Variants in ABLIM1 observed in about 807,000 individuals in gnomAD.
ABLIM1 encodes the protein actin-binding LIM protein 1.
Under a neutral mutation model 107.0 loss-of-function variants are expected in ABLIM1, and 40 were observed. The ratio of observed to expected loss-of-function variants is 0.37; its 90% confidence interval spans 0.29 to 0.49. ABLIM1 has a LOEUF of 0.49. ABLIM1 is among the 20% of genes least tolerant of loss of function. ABLIM1 has a pLI of 0.97. For synonymous variants in ABLIM1, 357 were observed against 357.3 expected (o/e 1.00, Z 0.01); for missense variants, 857 against 1,008.5 (o/e 0.85, Z 2.04).
At chr10:114,546,108 C>T (rs1345890954) in intron 5 of ABLIM1, among the ~76,000 whole-genome samples, 2 of 151,956 alleles carry the variant, frequency 1.3e-5, no homozygotes, top group Non-Finnish European at 2.9e-5. Context: ...TCAGCTCAGT[C>T]AACCTCCTTG....
At chr10:114,750,786 A>C (rs1234019740) in intron 1 of ABLIM1, among the ~76,000 whole-genome samples, 1 of 152,218 alleles carries the variant, frequency 6.6e-6, no homozygotes, top group Non-Finnish European at 1.5e-5. Context: ...CTCACATCAA[A>C]ATATTCATAA....
chr10:114,706,013 C>G (rs188724641), intron 1 of ABLIM1, among the ~76,000 whole-genome samples: 88 of 152,264 alleles, frequency 5.8e-4, no homozygotes, highest in Non-Finnish European at 7.9e-4. Flanking sequence ...AGAACTGGAT[C>G]CTTTGAAAAA....
At chr10:114,494,792 T>C (rs1222029918) in intron 6 of ABLIM1, among the ~76,000 whole-genome samples, 1 of 152,156 alleles carries the variant, frequency 6.6e-6, no homozygotes, top group Non-Finnish European at 1.5e-5. Flanking sequence ...TGGATTCAAA[T>C]CCAGTTTCAG....
intron 10 of ABLIM1, among the ~76,000 whole-genome samples, chr10:114,471,925 T>C (rs2066650799): frequency 6.7e-6 from 1 of 149,700 alleles, no homozygotes; most frequent in Non-Finnish European, 1.5e-5. Flanking sequence ...AAAATGAGAG[T>C]GAGCCGATTG....
chr10:114,651,427 T>C (rs889828046), intron 1 of ABLIM1, among the ~76,000 whole-genome samples: 2 of 152,126 alleles, frequency 1.3e-5, no homozygotes, highest in African/African-American at 4.8e-5. Context: ...AAGCTTAACC[T>C]GCAGCCTGCT....
intron 1 of ABLIM1, among the ~76,000 whole-genome samples, chr10:114,673,954 T>C (rs1714608459): frequency 6.6e-6 from 1 of 151,948 alleles, no homozygotes; most frequent in Non-Finnish European, 1.5e-5. Context: ...GAAAAAAAAG[T>C]GGGGAGAACC....
At chr10:114,530,582 G>A (rs1311043062) in intron 6 of ABLIM1, among the ~76,000 whole-genome samples, 2 of 152,152 alleles carry the variant, frequency 1.3e-5, no homozygotes, top group Non-Finnish European at 2.9e-5. Context: ...CATCTAGGCT[G>A]GAGTGCAGTA....
intron 4 of ABLIM1, among the ~76,000 whole-genome samples, chr10:114,568,873 T>C (rs751180780): frequency 6.6e-6 from 1 of 152,200 alleles, no homozygotes. Context: ...TTCATTTACA[T>C]GTGCATAACA....
intron 6 of ABLIM1, chr10:114,526,932 A>G (rs2064871154): frequency 1.0e-6 from 1 of 985,348 alleles, no homozygotes. Context: ...TCCTCGCTTT[A>G]CTTACTAGTT....
chr10:114,562,403 C>T (rs969060825), intron 4 of ABLIM1, among the ~76,000 whole-genome samples: 46 of 152,238 alleles, frequency 3.0e-4, no homozygotes, highest in African/African-American at 1.1e-3. Context: ...GTGGCGGGCA[C>T]CTGTAGTCCC....
Position 114,479,242 on chromosome 10 carries a change from G to C in ABLIM1, c.1042-5286C>G, listed in dbSNP as rs561031157. 7.2e-5 allele frequency among the ~76,000 whole-genome samples: 11 copies of C among 152,292 alleles called. No homozygotes were observed. In the South Asian group the frequency reaches 2.1e-3, roughly 29 times the overall value. On this transcript the variant is annotated intron_variant, in intron 8 of 22. Transcript: ENST00000533213. ...CATGGCAAGTAGTCAACATTTTCTA[G>C]ACACTTGGGATTAGACTAGGTTTCT...
At chr10:114,628,382 A>T (rs936904852) in intron 1 of ABLIM1, among the ~76,000 whole-genome samples, 4 of 152,252 alleles carry the variant, frequency 2.6e-5, no homozygotes, top group Non-Finnish European at 5.9e-5. Flanking sequence ...CATACAATGC[A>T]CAAGACAGAA....
At chr10:114,759,992 C>G (rs571387324) in intron 1 of ABLIM1, among the ~76,000 whole-genome samples, 2 of 152,176 alleles carry the variant, frequency 1.3e-5, no homozygotes, top group East Asian at 3.8e-4. Flanking sequence ...ACCTTAACCA[C>G]AAATTCTAAT....
At chr10:114,617,766 A>G (rs2077221500) in intron 1 of ABLIM1, among the ~76,000 whole-genome samples, 1 of 152,126 alleles carries the variant, frequency 6.6e-6, no homozygotes, top group Non-Finnish European at 1.5e-5. Context: ...CCTAACAATA[A>G]AGATATGGAG....
At chr10:114,591,226 G>A (rs1393765252) in intron 2 of ABLIM1, among the ~76,000 whole-genome samples, 4 of 152,118 alleles carry the variant, frequency 2.6e-5, no homozygotes, top group African/African-American at 9.7e-5. Context: ...ATTCAAGCAT[G>A]CCATCAGGAT....
intron 1 of ABLIM1, among the ~76,000 whole-genome samples, chr10:114,644,147 G>T (rs2078877778): frequency 6.7e-6 from 1 of 149,466 alleles, no homozygotes; most frequent in Admixed American, 6.6e-5. Context: ...TGGGCATGGT[G>T]GCGGGCACCT....
intron 3 of ABLIM1, among the ~76,000 whole-genome samples, chr10:114,572,372 G>A (rs2071819269): frequency 6.6e-6 from 1 of 152,192 alleles, no homozygotes; most frequent in South Asian, 2.1e-4. Flanking sequence ...TTCCCTTTAA[G>A]TTGCCCCTCA....
chr10:114,457,698 T>C (rs1180407807), intron 12 of ABLIM1, among the ~76,000 whole-genome samples: 1 of 152,224 alleles, frequency 6.6e-6, no homozygotes, highest in Non-Finnish European at 1.5e-5. Context: ...CCAGATGAAA[T>C]ATCATATTTG....
intron 1 of ABLIM1, among the ~76,000 whole-genome samples, chr10:114,745,806 T>A (rs808323): frequency 0.94 from 142,627 of 152,234 alleles, 66,905 homozygotes; most frequent in East Asian, 0.99. Flanking sequence ...GCGCCATTGC[T>A]CTCCAGCCTG....
Sources: gnomAD v4.1 joint callset for allele counts (sites outside exome capture counted in the v4.1 genomes callset) on GRCh38, gnomAD v4.1.1 for gene constraint, MANE v1.5 for transcripts, NCBI Gene and HGNC (gene_info 2026-07-23, HGNC 2026-07-21) for gene names.